RBFOX1: variants seen among roughly 807,000 people sequenced by gnomAD.
RBFOX1 encodes the protein RNA binding protein fox-1 homolog 1.
In RBFOX1, 8 loss-of-function variants were observed where a neutral mutation model predicts 57.7. The observed-to-expected ratio is 0.14, with a 90% confidence interval of 0.08 to 0.25. The LOEUF is 0.25. Among genes scored for constraint, RBFOX1 ranks in the 10% least tolerant of loss-of-function variants. The pLI is 1.00. For synonymous variants in RBFOX1, 326 were observed against 222.4 expected (o/e 1.47, Z -4.15); for missense variants, 611 against 548.5 (o/e 1.11, Z -1.14).
intron 2 of RBFOX1, among the ~76,000 whole-genome samples, chr16:6,628,285 T>C (rs1309137972): frequency 3.9e-5 from 6 of 152,218 alleles, no homozygotes; most frequent in Non-Finnish European, 5.9e-5. Flanking sequence ...TTGACTGCTT[T>C]CCCGTTAACG....
intron 2 of RBFOX1, among the ~76,000 whole-genome samples, chr16:6,547,451 C>A (rs1447814513): frequency 6.6e-6 from 1 of 152,120 alleles, no homozygotes; most frequent in African/African-American, 2.4e-5. Context: ...GTGCCATCTT[C>A]CATAGTAACT....
intron 3 of RBFOX1, among the ~76,000 whole-genome samples, chr16:6,969,919 CAT>C (rs1299938243): frequency 6.6e-6 from 1 of 152,042 alleles, no homozygotes; most frequent in Non-Finnish European, 1.5e-5. Flanking sequence ...AGTAGTCTGT[CAT>C]AGATTTCCCA....
At chr16:7,073,969 G>C (rs2057845740) in intron 4 of RBFOX1, among the ~76,000 whole-genome samples, 1 of 152,152 alleles carries the variant, frequency 6.6e-6, no homozygotes, top group African/African-American at 2.4e-5. Flanking sequence ...CCCTGTTTCT[G>C]TAAATATTCT....
chr16:6,336,986 A>T (rs982720589), intron 2 of RBFOX1, among the ~76,000 whole-genome samples: 1 of 152,340 alleles, frequency 6.6e-6, no homozygotes, highest in Non-Finnish European at 1.5e-5. Context: ...AGCAGTTTAC[A>T]TTGCAACCCT....
intron 3 of RBFOX1, among the ~76,000 whole-genome samples, chr16:6,691,939 A>G (rs2060264544): frequency 6.6e-6 from 1 of 152,192 alleles, no homozygotes; most frequent in Non-Finnish European, 1.5e-5. Context: ...GCCATGGGCC[A>G]TGGACTGTTG....
At chr16:5,463,530 T>C (rs1470315499) in intron 1 of RBFOX1, among the ~76,000 whole-genome samples, 1 of 152,076 alleles carries the variant, frequency 6.6e-6, no homozygotes, top group African/African-American at 2.4e-5. Flanking sequence ...CCGGGCGTGG[T>C]GGGTCGTGTC....
intron 4 of RBFOX1, among the ~76,000 whole-genome samples, chr16:5,945,863 C>T (rs571402547): frequency 6.6e-5 from 10 of 152,290 alleles, no homozygotes; most frequent in Middle Eastern, 3.4e-3. Context: ...CTCCATCCAT[C>T]AGTATTTCAA....
intron 4 of RBFOX1, among the ~76,000 whole-genome samples, chr16:7,465,197 T>G (rs1227182701): frequency 6.6e-6 from 1 of 152,158 alleles, no homozygotes; most frequent in Non-Finnish European, 1.5e-5. Context: ...CAAACCTAGC[T>G]CAATCTTGTC....
intron 2 of RBFOX1, among the ~76,000 whole-genome samples, chr16:6,472,341 C>T (rs1355859880): frequency 6.6e-6 from 1 of 152,156 alleles, no homozygotes; most frequent in Non-Finnish European, 1.5e-5. Flanking sequence ...GCTGCACATC[C>T]CAAGAGCCAT....
At chr16:5,987,538 A>T (rs923013262) in intron 4 of RBFOX1, among the ~76,000 whole-genome samples, 1 of 152,152 alleles carries the variant, frequency 6.6e-6, no homozygotes, top group African/African-American at 2.4e-5. Context: ...ATTCTGTTAT[A>T]AAAGTCATAA....
intron 2 of RBFOX1, among the ~76,000 whole-genome samples, chr16:6,650,415 C>A (rs2098577020): frequency 6.6e-6 from 1 of 152,162 alleles, no homozygotes; most frequent in African/African-American, 2.4e-5. Flanking sequence ...AAAGGGAAAG[C>A]ACCTGATGAG....
chr16:6,746,583 TG>T (rs1454897173), intron 3 of RBFOX1, among the ~76,000 whole-genome samples: 1 of 151,766 alleles, frequency 6.6e-6, no homozygotes, highest in Admixed American at 6.6e-5. Context: ...GAGGCTGAAC[TG>T]GGGGGATCAC....
intron 4 of RBFOX1, among the ~76,000 whole-genome samples, chr16:7,224,636 T>C (rs1290794903): frequency 1.3e-5 from 2 of 152,150 alleles, no homozygotes; most frequent in East Asian, 3.8e-4. Context: ...TGTCTCCAAA[T>C]GGAAATGTCT....
chr16:7,111,623 G>C (rs2064793486), intron 4 of RBFOX1, among the ~76,000 whole-genome samples: 2 of 152,142 alleles, frequency 1.3e-5, no homozygotes, highest in East Asian at 1.9e-4. Context: ...GGAGTCTTAG[G>C]AGTAAATTAC....
At chr16:6,997,978 C>T (rs2092413494) in intron 3 of RBFOX1, among the ~76,000 whole-genome samples, 1 of 151,098 alleles carries the variant, frequency 6.6e-6, no homozygotes, top group African/African-American at 2.5e-5. Flanking sequence ...AACAGCTTGG[C>T]AGTCCTAGCA....
At chr16:6,110,440 T>C (rs974384299) in intron 1 of RBFOX1, among the ~76,000 whole-genome samples, 3 of 152,176 alleles carry the variant, frequency 2.0e-5, no homozygotes, top group Admixed American at 1.3e-4. Flanking sequence ...CAGAATTCTG[T>C]ATCCTGCACA....
chr16:7,215,876 C>T (rs922375203), intron 4 of RBFOX1, among the ~76,000 whole-genome samples: 2 of 152,000 alleles, frequency 1.3e-5, no homozygotes, highest in African/African-American at 4.8e-5. Flanking sequence ...AGGCGTCTGC[C>T]ACGGCACCCG....
intron 1 of RBFOX1, among the ~76,000 whole-genome samples, chr16:6,248,035 A>C (rs2097579091): frequency 6.6e-6 from 1 of 152,194 alleles, no homozygotes; most frequent in Non-Finnish European, 1.5e-5. Flanking sequence ...CCCTTCAAGT[A>C]CAAAAGGCCA....
At chr16:7,407,971 T>C (rs4280260) in intron 4 of RBFOX1, among the ~76,000 whole-genome samples, 44,592 of 151,956 alleles carry the variant, frequency 0.29, 7,133 homozygotes, top group Middle Eastern at 0.38. Context: ...ATAATCACAA[T>C]GAATGTATGG....
Sources: gnomAD v4.1 joint callset for allele counts (sites outside exome capture counted in the v4.1 genomes callset) on GRCh38, gnomAD v4.1.1 for gene constraint, MANE v1.5 for transcripts, NCBI Gene and HGNC (gene_info 2026-07-23, HGNC 2026-07-21) for gene names.